Variants in SHANK1 observed in about 807,000 individuals in gnomAD.
The protein encoded by SHANK1 is SH3 and multiple ankyrin repeat domains protein 1.
SHANK1 carries 35 observed loss-of-function variants against 165.6 expected under a neutral mutation model. The ratio of observed to expected loss-of-function variants is 0.21; its 90% CI spans 0.16 to 0.28. The LOEUF is 0.28. SHANK1 is among the 10% of genes least tolerant of loss of function. SHANK1 has a pLI of 1.00. For synonymous variants in SHANK1, 1,428 were observed against 1,384.8 expected (o/e 1.03, Z -0.69); for missense variants, 2,681 against 3,036.4 (o/e 0.88, Z 2.75).
chr19:50,662,789 T>A lies in SHANK1; in HGVS notation c.5769-107A>T. ...ATATAGGGAGAGAGGAGGAGAGACATAAGGGTAGGGGGAGAGACGGAGGAG... is the reference window on the plus strand; with the variant it reads ...ATATAGGGAGAGAGGAGGAGAGACAAAAGGGTAGGGGGAGAGACGGAGGAG... On this transcript the variant is annotated intron_variant, in intron 23 of 23. Transcript: ENST00000293441. The surrounding 1 kb of genome is among the most constrained non-coding windows in gnomAD (Gnocchi z 7.7). 1.3e-5 allele frequency: 13 copies of A among 971,690 alleles called. No individual in the cohort carries two copies. The highest frequency in any genetic ancestry group is 2.0e-5 in the Non-Finnish European group (13 of 663,946). The allele number at this position is 971,690 out of a possible 1,614,324, so 60.2% of individuals were successfully genotyped here.
Position 50,686,412 on chromosome 19 carries a change from C to T in SHANK1, c.2459-57G>A. Reference sequence around the variant, plus strand: ...GACAATGAAATGAAGTTTGCTTTGACCCGGGCCGCAAAGACCAGAGCTGCC... The same window carrying T: ...GACAATGAAATGAAGTTTGCTTTGATCCGGGCCGCAAAGACCAGAGCTGCC... On this transcript the variant is annotated intron_variant, in intron 20 of 23. Coordinates refer to ENST00000293441, the MANE Select transcript of SHANK1 (RefSeq NM_016148.5). The surrounding 1 kb of genome is among the most constrained non-coding windows in gnomAD (Gnocchi z 5.7). 1.5e-6 allele frequency: 2 copies of T among 1,311,870 alleles called. No individual in the cohort carries two copies. Among genetic ancestry groups the T allele is most frequent in the South Asian group, 2.8e-5 (2 of 72,450 alleles). 81.3% of individuals were successfully genotyped at this position (1,311,870 alleles called of 1,614,324 possible). A position where few individuals can be genotyped will look rare whatever the true frequency, so the allele number is the denominator to read the frequency against.
intron 8 of SHANK1, among the ~76,000 whole-genome samples, chr19:50,706,704 A>G (rs1486808211): frequency 5.3e-5 from 8 of 151,396 alleles, no homozygotes; most frequent in Admixed American, 5.3e-4. Context: ...CTCTTCAGAG[A>G]GGTCTTCTCT....
chr19:50,697,815 T>G lies in SHANK1; in HGVS notation c.1861+28A>C, dbSNP rs1432747265. ...GTGGACGTGGGAATCCTAGGGTCCA[T>G]TGAACACTGCTGGGGGTTCCGCATT... On this transcript the variant is annotated intron_variant, in intron 13 of 23. Transcript: ENST00000293441. This position sits in a 1 kb window ranked among gnomAD's most constrained non-coding sequence, Gnocchi z 4.7. The G allele has an allele frequency of 6.3e-7, 1 of 1,586,594 alleles. No individual in the cohort carries two copies. The highest frequency in any genetic ancestry group is 2.2e-5 in the East Asian group (1 of 44,706).
intron 22 of SHANK1, among the ~76,000 whole-genome samples, chr19:50,671,179 TC>T (rs1414434526): frequency 1.1e-5 from 1 of 94,638 alleles, no homozygotes; most frequent in African/African-American, 4.3e-5. Flanking sequence ...TTTTTTTCAC[TC>T]TTTTTTTTTT....
chr19:50,683,123 C>T (rs768664856), intron 21 of SHANK1, among the ~76,000 whole-genome samples: 18 of 152,158 alleles, frequency 1.2e-4, no homozygotes, highest in African/African-American at 1.7e-4. Flanking sequence ...TGAGCCCCTG[C>T]GCCCGGCCCT....
chr19:50,706,739 C>A (rs1435373691), intron 8 of SHANK1, among the ~76,000 whole-genome samples: 3 of 151,824 alleles, frequency 2.0e-5, no homozygotes, highest in African/African-American at 7.3e-5. Context: ...AAAAAAAAAC[C>A]CTTGTCCTCT....
At position 50,667,173 on chromosome 19, in the gene SHANK1, G is replaced by C; in HGVS notation, c.4787C>G (p.Pro1596Arg). The part of the protein sequence containing the change: ...PGPPHPLPDT[P>R]APATPLPPVP... ...AGGGGGTAACGGGGTGGCAGGGGCAGGTGTGTCGGGCAGCGGGTGGGGAGG... is the reference window on the plus strand; with the variant it reads ...AGGGGGTAACGGGGTGGCAGGGGCACGTGTGTCGGGCAGCGGGTGGGGAGG... The change falls in exon 23 of 24, where the codon CCT becomes CGT. Residue 1596 changes from proline to arginine, a missense_variant. Physicochemically the swap from Pro to Arg is moderately radical, Grantham distance 103. Around this residue, in one of 10 missense-constraint regions of SHANK1, gnomAD observed 1,713 missense variants for 1,630.2 expected, o/e 1.05. Transcript: ENST00000293441. The surrounding 1 kb of genome is among the most constrained non-coding windows in gnomAD (Gnocchi z 5.7). 6.4e-7 allele frequency: 1 copy of C among 1,563,150 alleles called. No homozygotes were observed. Among genetic ancestry groups the C allele is most frequent in the Non-Finnish European group, 8.6e-7 (1 of 1,161,300 alleles).
Position 50,702,768 on chromosome 19 carries a change from G to A in SHANK1, c.1554-108C>T, listed in dbSNP as rs976504781. The A allele has an allele frequency of 4.3e-6, 3 of 695,976 alleles. No homozygotes were observed. The highest frequency in any genetic ancestry group is 3.0e-5 in the Admixed American group (1 of 33,784). The allele number at this position is 695,976 out of a possible 1,614,324, so 43.1% of individuals were successfully genotyped here. On this transcript the variant is annotated intron_variant, in intron 11 of 23. Coordinates refer to ENST00000293441, the MANE Select transcript of SHANK1 (RefSeq NM_016148.5). The surrounding 1 kb of genome is among the most constrained non-coding windows in gnomAD (Gnocchi z 5.3). Reference sequence around the variant, plus strand: ...AGAGGACGGTGCATCAGGGGGGAGGGGGGGTTTCCCAGCACTGGCGTCCTC... The same window carrying A: ...AGAGGACGGTGCATCAGGGGGGAGGAGGGGTTTCCCAGCACTGGCGTCCTC...
Position 50,666,587 on chromosome 19 carries a change from C to A in SHANK1, c.5373G>T (p.Gly1791=). Residue 1791 remains glycine, a synonymous_variant, in exon 23 of 24, where the codon GGG becomes GGT. Coordinates refer to ENST00000293441, the MANE Select transcript of SHANK1 (RefSeq NM_016148.5). ...TPTSPTVSVT[G]AGTDGLLALR... ...GGGCCAGCAGCCCATCGGTTCCAGC[C>A]CCTGTCACCGAGACGGTGGGGCTGG... 1 of 1,601,220 alleles carries A rather than the reference C, an allele frequency of 6.2e-7. No individual in the cohort carries two copies.
rs1443631794 is a variant in SHANK1, at chr19:50,660,932, G to A, written c.*1033C>T. Among the ~76,000 whole-genome samples the A allele has an allele frequency of 3.3e-5, 5 of 150,896 alleles. No homozygotes were observed. Among genetic ancestry groups the A allele is most frequent in the African/African-American group, 9.8e-5 (4 of 40,906 alleles). On this transcript the variant is annotated 3_prime_UTR_variant, in exon 24 of 24. Transcript: ENST00000293441. ...AAGTGACGGTGCAAAAGGGGCAAGA[G>A]GGAAGGCGGGGGGTGGGGGGCTAGG...
At chr19:50,704,385 T>G in intron 9 of SHANK1, 52 bp downstream of exon 9, 1 of 1,514,494 alleles carries the variant, frequency 6.6e-7, no homozygotes, top group Non-Finnish European at 9.2e-7. Flanking sequence ...GGTGTCACTG[T>G]CACCCTTTCC....
chr19:50,668,226 C>T lies in SHANK1; in HGVS notation c.3734G>A (p.Gly1245Asp), dbSNP rs1985633688. 2.7e-6 allele frequency: 4 copies of T among 1,488,998 alleles called. No individual in the cohort carries two copies. Among genetic ancestry groups the T allele is most frequent in the Non-Finnish European group, 2.6e-6 (3 of 1,133,082 alleles). The allele number at this position is 1,488,998 out of a possible 1,614,324, so 92.2% of individuals were successfully genotyped here. ...ALVGAARREG[G>D]WQNEARRRST... ...GCGCCGGCGCGCCTCATTCTGCCAG[C>T]CCCCCTCCCTCCGGGCCGCCCCCAC... Residue 1245 changes from glycine to aspartate, a missense_variant, in exon 23 of 24, where the codon GGC becomes GAC. Gly to Asp is a moderately conservative substitution (Grantham distance 94, BLOSUM62 -1). Transcript: ENST00000293441.
chr19:50,694,134 GAC>G (rs1986641566), intron 15 of SHANK1, among the ~76,000 whole-genome samples: 1 of 151,742 alleles, frequency 6.6e-6, no homozygotes, highest in Non-Finnish European at 1.5e-5. Flanking sequence ...CACACAGATG[GAC>G]ACAGTTGGGG....
Position 50,669,120 on chromosome 19 carries a change from G to T in SHANK1, c.2840C>A (p.Pro947His), listed in dbSNP as rs1985695985. Residue 947 changes from proline to histidine, a missense_variant, in exon 23 of 24, where the codon CCC becomes CAC. Pro to His is a moderately conservative substitution (Grantham distance 77, BLOSUM62 -2). This residue lies in a region of SHANK1 where 1,713 missense variants were observed against 1,630.2 expected (regional missense o/e 1.05). Transcript: ENST00000293441. ...PVPSSSGRLT[P>H]SPRGGPFNPG... Reference sequence around the variant, plus strand: ...GTTGAAGGGCCCTCCCCGAGGGGAGGGGGTGAGGCGCCCTGAGGAGGAGGG... The same window carrying T: ...GTTGAAGGGCCCTCCCCGAGGGGAGTGGGTGAGGCGCCCTGAGGAGGAGGG... 6.6e-7 allele frequency: 1 copy of T among 1,517,148 alleles called. No homozygotes were observed. Among genetic ancestry groups the T allele is most frequent in the South Asian group, 1.2e-5 (1 of 80,362 alleles). 94.0% of individuals were successfully genotyped at this position (1,517,148 alleles called of 1,614,324 possible). A position where few individuals can be genotyped will look rare whatever the true frequency, so the allele number is the denominator to read the frequency against.
At chr19:50,679,668 G>A (rs765835660) in intron 21 of SHANK1, among the ~76,000 whole-genome samples, 6 of 152,200 alleles carry the variant, frequency 3.9e-5, no homozygotes, top group Non-Finnish European at 7.3e-5. Flanking sequence ...ATGTCCTGCC[G>A]CTGACCAGTG....
rs1373441257 is a variant in SHANK1, at chr19:50,697,890, G to A, written c.1814C>T (p.Ser605Phe). 1 of 1,614,130 alleles carries A rather than the reference G, an allele frequency of 6.2e-7. No individual in the cohort carries two copies. The highest frequency in any genetic ancestry group is 8.5e-7 in the Non-Finnish European group (1 of 1,180,010). The change falls in exon 13 of 24, where the codon TCT becomes TTT. Residue 605 changes from serine (S) to phenylalanine (F), a missense_variant. Transcript: ENST00000293441. This position sits in a 1 kb window ranked among gnomAD's most constrained non-coding sequence, Gnocchi z 4.7. ...ATTCGCCACTTCTTCCAGGCAGTCA[G>A]AGGGGAACCAGCCAACACGACCTTT... is the stretch of plus-strand genomic sequence containing the variant. ...QVKGRVGWFPSDCLEEVANRS... is the reference protein window; with the variant it reads ...QVKGRVGWFPFDCLEEVANRS...
intron 8 of SHANK1, among the ~76,000 whole-genome samples, chr19:50,706,680 T>C (rs970666977): frequency 1.3e-5 from 2 of 152,022 alleles, no homozygotes; most frequent in African/African-American, 4.8e-5. Context: ...TTCAGGCTTT[T>C]GCACAAATGC....
In SHANK1 at chr19:50,662,606, G is replaced by A. The variant is rs903230295; in HGVS notation, c.5845C>T (p.Leu1949=). The change falls in exon 24 of 24, where the codon CTG becomes TTG. Residue 1949 remains leucine, a synonymous_variant. Transcript: ENST00000293441. The surrounding 1 kb of genome is among the most constrained non-coding windows in gnomAD (Gnocchi z 7.7). ...SLFQNWPKPP[L]PPLPTGTGVS... ...CCTGTTCCGGTGGGGAGTGGCGGCA[G>A]AGGTGGTTTGGGCCAGTTCTGAAAC... is the stretch of plus-strand genomic sequence containing the variant. The A allele has an allele frequency of 2.6e-6, 4 of 1,564,826 alleles. No individual in the cohort carries two copies. In the African/African-American group the frequency reaches 5.4e-5, roughly 21 times the overall value.
In SHANK1 at chr19:50,668,946, T is replaced by C; in HGVS notation, c.3014A>G (p.His1005Arg). 1 of 181,382 alleles carries C rather than the reference T, an allele frequency of 5.5e-6. No individual in the cohort carries two copies. The highest frequency in any genetic ancestry group is 9.2e-6 in the Non-Finnish European group (1 of 108,584). 11.2% of individuals were successfully genotyped at this position (181,382 alleles called of 1,614,324 possible). A position where few individuals can be genotyped will look rare whatever the true frequency, so the allele number is the denominator to read the frequency against. ...PAHHHPPHHH[H>R]HHAPPPQPHH... is the part of the protein sequence containing the mutation. Reference sequence around the variant, plus strand: ...GGGCTGAGGGGGCGGGGCGTGGTGGTGGTGGTGGTGGGGCGGGTGGTGGTG... The same window carrying C: ...GGGCTGAGGGGGCGGGGCGTGGTGGCGGTGGTGGTGGGGCGGGTGGTGGTG... Residue 1005 changes from histidine (H) to arginine (R), a missense_variant, in exon 23 of 24, where the codon CAC becomes CGC. Physicochemically the swap from His to Arg is conservative, Grantham distance 29. Coordinates refer to ENST00000293441, the MANE Select transcript of SHANK1 (RefSeq NM_016148.5).
Sources: allele counts gnomAD v4.1 joint callset (sites outside exome capture counted in the v4.1 genomes callset), GRCh38; gene constraint gnomAD v4.1.1; regional missense constraint gnomAD v4.1.1; non-coding constraint Gnocchi (gnomAD v3.1); transcripts MANE v1.5; gene names NCBI Gene and HGNC (gene_info 2026-07-23, HGNC 2026-07-21).